The following PDSS2 variants were observed in gnomAD, a reference collection of about 807,000 sequenced individuals.
The protein encoded by PDSS2 is all trans-polyprenyl-diphosphate synthase PDSS2.
PDSS2 carries 31 observed loss-of-function variants against 44.5 expected under a neutral mutation model. The observed-to-expected ratio is 0.70, with a 90% CI of 0.52 to 0.94. PDSS2 has a LOEUF of 0.94. PDSS2 is among the 40% of genes least tolerant of loss of function. PDSS2 has a pLI of 0.00. For synonymous variants in PDSS2, 157 were observed against 180.3 expected (o/e 0.87, Z 1.03); for missense variants, 452 against 482.2 (o/e 0.94, Z 0.59).
Position 107,308,045 on chromosome 6 carries a change from A to G in PDSS2, c.431+26153T>C, listed in dbSNP as rs536518729. On this transcript the variant is annotated intron_variant, in intron 2 of 7. Transcript: ENST00000369037. ...ATAATACCAAATGGTTCACAAACCA[A>G]TTTAGAAGTCAAAGATGAGCACAAC... Among the ~76,000 whole-genome samples, 6 of 152,322 alleles carry G rather than the reference A, an allele frequency of 3.9e-5. No individual in the cohort carries two copies. In the East Asian group the frequency reaches 9.6e-4, roughly 24 times the overall value.
chr6:107,456,215 G>C (rs770087935), intron 1 of PDSS2, among the ~76,000 whole-genome samples: 1 of 152,184 alleles, frequency 6.6e-6, no homozygotes, highest in Non-Finnish European at 1.5e-5. Flanking sequence ...CAGGTACTTG[G>C]GGGGCTGAGG....
At chr6:107,198,022 A>G in intron 6 of PDSS2, 1 of 429,558 alleles carries the variant, frequency 2.3e-6, no homozygotes, top group South Asian at 1.7e-5. Context: ...AAGAGTGAAT[A>G]TAATATTCTT....
chr6:107,364,736 G>A (rs1031397570), intron 1 of PDSS2, among the ~76,000 whole-genome samples: 1 of 152,246 alleles, frequency 6.6e-6, no homozygotes, highest in Non-Finnish European at 1.5e-5. Flanking sequence ...TGCCACCAAA[G>A]TGGGAGCCCA....
intron 1 of PDSS2, among the ~76,000 whole-genome samples, chr6:107,389,955 TA>T: frequency 6.6e-6 from 1 of 152,224 alleles, no homozygotes; most frequent in East Asian, 1.9e-4. Context: ...AGGATGGGGT[TA>T]TGTCAAAGGG....
intron 7 of PDSS2, among the ~76,000 whole-genome samples, chr6:107,182,564 G>C (rs1373947869): frequency 3.3e-5 from 5 of 152,070 alleles, no homozygotes; most frequent in Non-Finnish European, 5.9e-5. Context: ...ACCTCAAGTG[G>C]TCTGCCCACC....
chr6:107,232,510 TA>T (rs1774085755), intron 4 of PDSS2, among the ~76,000 whole-genome samples: 1 of 152,248 alleles, frequency 6.6e-6, no homozygotes, highest in Non-Finnish European at 1.5e-5. Context: ...TGTTATTTCC[TA>T]AAACAGGCCT....
intron 1 of PDSS2, among the ~76,000 whole-genome samples, chr6:107,372,983 CTTTT>C (rs11330558): frequency 4.4e-5 from 6 of 136,040 alleles, no homozygotes; most frequent in Admixed American, 7.3e-5. Context: ...GTCTAATAAT[CTTTT>C]TTTTTTTTTT....
chr6:107,270,051 T>C (rs1310517113), intron 3 of PDSS2, among the ~76,000 whole-genome samples: 1 of 152,106 alleles, frequency 6.6e-6, no homozygotes, highest in East Asian at 1.9e-4. Context: ...ATTTCTAAAA[T>C]CTGATCAACG....
intron 2 of PDSS2, among the ~76,000 whole-genome samples, chr6:107,310,983 T>A (rs529706196): frequency 6.6e-6 from 1 of 151,772 alleles, no homozygotes; most frequent in Non-Finnish European, 1.5e-5. Context: ...AGTGTTGTGA[T>A]CTCAGTTCAC....
At chr6:107,427,765 C>T (rs79533441) in intron 1 of PDSS2, among the ~76,000 whole-genome samples, 1 of 152,240 alleles carries the variant, frequency 6.6e-6, no homozygotes, top group East Asian at 1.9e-4. Flanking sequence ...AAGTTTATGA[C>T]ACTCATTTGT....
chr6:107,457,376 T>C (rs1782077918), intron 1 of PDSS2, among the ~76,000 whole-genome samples: 2 of 152,244 alleles, frequency 1.3e-5, no homozygotes, highest in African/African-American at 4.8e-5. Flanking sequence ...CAACTGCATG[T>C]AAATCTAAAA....
At chr6:107,278,592 A>G (rs1775866357) in intron 2 of PDSS2, among the ~76,000 whole-genome samples, 1 of 152,244 alleles carries the variant, frequency 6.6e-6, no homozygotes. Context: ...TATGAAAGAA[A>G]GTAATAACCA....
chr6:107,305,847 T>A (rs1426761865), intron 2 of PDSS2, among the ~76,000 whole-genome samples: 1 of 152,190 alleles, frequency 6.6e-6, no homozygotes, highest in Non-Finnish European at 1.5e-5. Context: ...TAAAAGTTGG[T>A]TCCAGAAACT....
chr6:107,186,590 C>CT (rs1772174293), intron 7 of PDSS2, among the ~76,000 whole-genome samples: 1 of 152,150 alleles, frequency 6.6e-6, no homozygotes, highest in Non-Finnish European at 1.5e-5. Flanking sequence ...GACCCGCTCT[C>CT]TAAGTTCCCT....
intron 1 of PDSS2, among the ~76,000 whole-genome samples, chr6:107,408,105 G>C (rs1780379331): frequency 6.6e-6 from 1 of 151,892 alleles, no homozygotes; most frequent in African/African-American, 2.4e-5. Flanking sequence ...TTGGCTCACT[G>C]CAACTTCTGT....
At chr6:107,434,575 G>A (rs957674911) in intron 1 of PDSS2, among the ~76,000 whole-genome samples, 5 of 152,178 alleles carry the variant, frequency 3.3e-5, no homozygotes, top group African/African-American at 7.2e-5. Context: ...TGGAAACAGA[G>A]TAGAATGATA....
chr6:107,172,139 GAA>G (rs1351044662), intron 7 of PDSS2, among the ~76,000 whole-genome samples: 1 of 152,156 alleles, frequency 6.6e-6, no homozygotes, highest in African/African-American at 2.4e-5. Flanking sequence ...AACAAAGAGA[GAA>G]GAGGATACAA....
At chr6:107,268,089 C>T (rs942882514) in intron 3 of PDSS2, among the ~76,000 whole-genome samples, 1 of 152,112 alleles carries the variant, frequency 6.6e-6, no homozygotes, top group Admixed American at 6.6e-5. Flanking sequence ...TTACTTGTCT[C>T]CTAGTATCTT....
At chr6:107,340,017 A>G (rs1778031270) in intron 1 of PDSS2, among the ~76,000 whole-genome samples, 1 of 151,910 alleles carries the variant, frequency 6.6e-6, no homozygotes, top group Non-Finnish European at 1.5e-5. Context: ...GAGGAACCCA[A>G]TTAGGAAACT....
Sources: allele counts gnomAD v4.1 joint callset (sites outside exome capture counted in the v4.1 genomes callset), GRCh38; gene constraint gnomAD v4.1.1; transcripts MANE v1.5; gene names NCBI Gene and HGNC (gene_info 2026-07-23, HGNC 2026-07-21).